GSTCD: variants seen among roughly 807,000 people sequenced by gnomAD.
GSTCD encodes glutathione S-transferase C-terminal domain-containing protein.
GSTCD carries 44 observed loss-of-function variants against 68.3 expected under a neutral mutation model. The ratio of observed to expected loss-of-function variants is 0.64; its 90% CI spans 0.51 to 0.83. The LOEUF is 0.83. Ranked by LOEUF, GSTCD falls within the 40% of genes least tolerant of loss-of-function variation. The pLI is 0.00. For missense variants in GSTCD, 739 were observed against 735.9 expected, an observed-to-expected ratio of 1.00 and a Z score of -0.05; for synonymous variants, 273 against 255.2, an observed-to-expected ratio of 1.07 and a Z score of -0.67.
At chr4:105,810,398 T>G (rs1270855303) in intron 5 of GSTCD, among the ~76,000 whole-genome samples, 1 of 152,128 alleles carries the variant, frequency 6.6e-6, no homozygotes, top group Non-Finnish European at 1.5e-5. Context: ...GGTATGCAGA[T>G]ACACAAATGT....
At chr4:105,765,853 A>G (rs1034101949) in intron 5 of GSTCD, among the ~76,000 whole-genome samples, 1 of 152,104 alleles carries the variant, frequency 6.6e-6, no homozygotes, top group Non-Finnish European at 1.5e-5. Context: ...TCCTGCCACC[A>G]TGTGAAGAAA....
At chr4:105,727,193 TC>T (rs1408445703) in intron 4 of GSTCD, among the ~76,000 whole-genome samples, 12 of 152,066 alleles carry the variant, frequency 7.9e-5, no homozygotes, top group African/African-American at 2.9e-4. Context: ...AGTTTTGGTC[TC>T]AGCCTTTTTT....
intron 5 of GSTCD, among the ~76,000 whole-genome samples, chr4:105,735,973 A>G (rs1733448994): frequency 6.6e-6 from 1 of 152,182 alleles, no homozygotes; most frequent in Admixed American, 6.5e-5. Context: ...TCTAATGCCC[A>G]ATTTATAATC....
Position 105,815,877 on chromosome 4 carries a change from C to T in GSTCD, c.1241-7077C>T, listed in dbSNP as rs545842848. Among the ~76,000 whole-genome samples the T allele has an allele frequency of 5.5e-4, 84 of 152,222 alleles. 2 individuals carry two copies. In the South Asian group the frequency reaches 0.017, roughly 30 times the overall value. On this transcript the variant is annotated intron_variant, in intron 5 of 11. Transcript: ENST00000515279. ...AGACAATATTATGGACTTAAAATAA[C>T]AACAACAAAAACCCAAAATGCCAGA...
chr4:105,786,460 C>T (rs959317334), intron 5 of GSTCD, among the ~76,000 whole-genome samples: 10 of 151,168 alleles, frequency 6.6e-5, no homozygotes, highest in African/African-American at 2.4e-4. Flanking sequence ...TGCAGTGAAC[C>T]GCAGACTGCG....
intron 2 of GSTCD, 52 bp downstream of exon 2, chr4:105,718,091 A>G: frequency 3.7e-6 from 5 of 1,348,172 alleles, no homozygotes; most frequent in Non-Finnish European, 5.1e-6. Context: ...TGATAACATA[A>G]TTACCTGACC....
rs375687733 is a variant in GSTCD, at chr4:105,837,884, T to A, written c.1690T>A (p.Tyr564Asn). The A allele has an allele frequency of 2.5e-5, 27 of 1,099,222 alleles. No individual in the cohort carries two copies. The South Asian group carries it at 3.9e-4, about 16-fold the overall frequency. 68.1% of individuals were successfully genotyped at this position (1,099,222 alleles called of 1,614,324 possible). A position where few individuals can be genotyped will look rare whatever the true frequency, so the allele number is the denominator to read the frequency against. ...TGAACAATTCAAGAAAACTTTATCA[T>A]ACAAGGTAACCTTAAAAAGATCTAG... Reference protein sequence around the residue: ...KSEQFKKTLSYKEHMILCRFA... With the variant: ...KSEQFKKTLSNKEHMILCRFA... Residue 564 changes from tyrosine (Y) to asparagine (N), a missense_variant, in exon 10 of 12, where the codon TAC becomes AAC. Physicochemically the swap from Tyr to Asn is moderately radical, Grantham distance 143. Coordinates refer to ENST00000515279, the MANE Select transcript of GSTCD (RefSeq NM_001370181.1).
chr4:105,712,246 C>T (rs1178471717), intron 1 of GSTCD, among the ~76,000 whole-genome samples: 2 of 152,144 alleles, frequency 1.3e-5, no homozygotes, highest in African/African-American at 2.4e-5. Flanking sequence ...TCAATTCAGG[C>T]AGTCAGGAGA....
At chr4:105,776,142 T>C (rs1735050773) in intron 5 of GSTCD, among the ~76,000 whole-genome samples, 1 of 152,206 alleles carries the variant, frequency 6.6e-6, no homozygotes, top group South Asian at 2.1e-4. Flanking sequence ...TTGTTTATAC[T>C]GCGAGGGGAA....
intron 5 of GSTCD, among the ~76,000 whole-genome samples, chr4:105,767,210 TG>T (rs1734651124): frequency 6.6e-6 from 1 of 152,138 alleles, no homozygotes; most frequent in Non-Finnish European, 1.5e-5. Flanking sequence ...TTTGAACAGT[TG>T]ACCGCATGTG....
At chr4:105,800,113 G>A (rs2216517) in intron 5 of GSTCD, among the ~76,000 whole-genome samples, 73,607 of 152,060 alleles carry the variant, frequency 0.48, 22,186 homozygotes, top group East Asian at 0.9. Context: ...AGACATACCC[G>A]AGACTGGGCA....
At position 105,778,201 on chromosome 4, in the gene GSTCD, G is replaced by A. The variant is rs139152590; in HGVS notation, c.1241-44753G>A. On this transcript the variant is annotated intron_variant, in intron 5 of 11. Transcript: ENST00000515279. ...AATAATAGAACCTACTCAATGGGTC[G>A]GTTTGTTAATAAATGCATCTAAAGC... Among the ~76,000 whole-genome samples, 372 of 152,134 alleles carry A rather than the reference G, an allele frequency of 2.4e-3. 2 individuals carry two copies. Among genetic ancestry groups the A allele is most frequent in the African/African-American group, 8.6e-3 (359 of 41,528 alleles).
intron 4 of GSTCD, among the ~76,000 whole-genome samples, chr4:105,727,774 C>A (rs993837225): frequency 6.6e-6 from 1 of 151,004 alleles, no homozygotes; most frequent in Non-Finnish European, 1.5e-5. Flanking sequence ...GCAAAGTTTT[C>A]AACAATGGGC....
At chr4:105,727,698 A>G (rs970742264) in intron 4 of GSTCD, among the ~76,000 whole-genome samples, 4 of 151,984 alleles carry the variant, frequency 2.6e-5, no homozygotes, top group African/African-American at 9.7e-5. Flanking sequence ...TTCAAAAAAA[A>G]AAAAGAATGC....
chr4:105,746,041 T>C (rs936451733), intron 5 of GSTCD, among the ~76,000 whole-genome samples: 1 of 152,140 alleles, frequency 6.6e-6, no homozygotes, highest in South Asian at 2.1e-4. Context: ...TAGAGTACAA[T>C]TGACCCTTGA....
Position 105,719,277 on chromosome 4 carries a change from G to A in GSTCD, c.644G>A (p.Gly215Glu). 6.2e-7 allele frequency: 1 copy of A among 1,614,090 alleles called. No homozygotes were observed. Among genetic ancestry groups the A allele is most frequent in the Non-Finnish European group, 8.5e-7 (1 of 1,179,996 alleles). Reference protein sequence around the residue: ...ADGVGPPLTKGKAKSKVHTQE... With the variant: ...ADGVGPPLTKEKAKSKVHTQE... ...GGAGTTGGGCCTCCCCTTACTAAGG[G>A]AAAGGCAAAGAGCAAGGTCCACACA... Residue 215 changes from glycine to glutamate, a missense_variant, in exon 3 of 12, where the codon GGA (glycine) becomes GAA (glutamate). By Grantham distance (98) the Gly-to-Glu change is moderately conservative. Transcript: ENST00000515279.
chr4:105,805,963 A>C (rs1425431139), intron 5 of GSTCD, among the ~76,000 whole-genome samples: 3 of 152,062 alleles, frequency 2.0e-5, no homozygotes, highest in African/African-American at 7.2e-5. Flanking sequence ...CTGTATATTT[A>C]ATCAGTGAAA....
intron 5 of GSTCD, among the ~76,000 whole-genome samples, chr4:105,778,685 A>G (rs1735165145): frequency 6.6e-6 from 1 of 152,140 alleles, no homozygotes; most frequent in East Asian, 1.9e-4. Context: ...GTTCAAGGTC[A>G]TTTTATTTTA....
intron 7 of GSTCD, among the ~76,000 whole-genome samples, chr4:105,825,429 C>A (rs1432530569): frequency 2.0e-5 from 3 of 152,124 alleles, no homozygotes; most frequent in African/African-American, 4.8e-5. Context: ...CACGCCCGGC[C>A]CACGCTGTAT....
Sources: allele counts gnomAD v4.1 joint callset (sites outside exome capture counted in the v4.1 genomes callset), GRCh38; gene constraint gnomAD v4.1.1; transcripts MANE v1.5; gene names NCBI Gene and HGNC (gene_info 2026-07-23, HGNC 2026-07-21).